ELOVL6: variants seen among roughly 807,000 people sequenced by gnomAD.
The protein encoded by ELOVL6 is very long chain fatty acid elongase 6.
In ELOVL6, 8 loss-of-function variants were observed where a neutral mutation model predicts 31.7. The observed-to-expected ratio is 0.25, with a 90% CI of 0.15 to 0.45. ELOVL6 has a LOEUF of 0.45. Ranked by LOEUF, ELOVL6 falls within the 20% of genes least tolerant of loss-of-function variation. ELOVL6 has a pLI of 1.00. For synonymous variants in ELOVL6, 101 were observed against 117.7 expected, an observed-to-expected ratio of 0.86 and a Z score of 0.92; for missense variants, 126 against 326.4, an observed-to-expected ratio of 0.39 and a Z score of 4.73.
At chr4:110,197,371 G>C (rs1759839183) in intron 1 of ELOVL6, among the ~76,000 whole-genome samples, 1 of 152,204 alleles carries the variant, frequency 6.6e-6, no homozygotes, top group Non-Finnish European at 1.5e-5. Flanking sequence ...GGTCTGGCGG[G>C]GGGACTACAG....
intron 2 of ELOVL6, among the ~76,000 whole-genome samples, chr4:110,071,157 A>G (rs1290219031): frequency 3.3e-5 from 5 of 152,190 alleles, no homozygotes. Flanking sequence ...GAGGTAGCAG[A>G]GTCATAAGCT....
At chr4:110,196,114 A>T (rs920152284) in intron 1 of ELOVL6, among the ~76,000 whole-genome samples, 6 of 152,178 alleles carry the variant, frequency 3.9e-5, no homozygotes, top group Non-Finnish European at 8.8e-5. Flanking sequence ...AAGTGGCCTC[A>T]GAGAAAAAGC....
rs988144240 is a variant in ELOVL6, at chr4:110,069,725, T to C, written c.222-9971A>G. Among the ~76,000 whole-genome samples, 5 of 152,230 alleles carry C rather than the reference T, an allele frequency of 3.3e-5. 1 individual carries two copies. The highest frequency in any genetic ancestry group is 4.1e-4 in the South Asian group (2 of 4,836). ...CTGATAGCTGATCCTGAAAACTCAC[T>C]GGGCTTTCATTTAGGATAGTGTTTC... is the stretch of plus-strand genomic sequence containing the variant. On this transcript the variant is annotated intron_variant, in intron 2 of 3. Coordinates refer to ENST00000302274, the MANE Select transcript of ELOVL6 (RefSeq NM_024090.3).
intron 1 of ELOVL6, among the ~76,000 whole-genome samples, chr4:110,138,060 A>G (rs1278450562): frequency 2.6e-5 from 4 of 152,246 alleles, no homozygotes; most frequent in African/African-American, 9.6e-5. Context: ...CATTACAGAA[A>G]TGCATAGAGC....
intron 2 of ELOVL6, among the ~76,000 whole-genome samples, chr4:110,084,553 C>CATATAT (rs1560815725): frequency 6.9e-5 from 4 of 57,936 alleles, no homozygotes; most frequent in African/African-American, 4.2e-4. Context: ...CACACACACA[C>CATATAT]ACACACACAG....
intron 1 of ELOVL6, among the ~76,000 whole-genome samples, chr4:110,111,830 T>C (rs1289466375): frequency 1.3e-5 from 2 of 152,096 alleles, no homozygotes; most frequent in Admixed American, 6.6e-5. Context: ...AGAAAGCCTG[T>C]TTGGAGATGC....
At chr4:110,108,477 G>A (rs999154076) in intron 1 of ELOVL6, among the ~76,000 whole-genome samples, 3 of 152,120 alleles carry the variant, frequency 2.0e-5, no homozygotes, top group Non-Finnish European at 4.4e-5. Flanking sequence ...TCCCAGCAAG[G>A]GCCATTCACT....
At chr4:110,094,466 TAC>T (rs1756522842) in intron 2 of ELOVL6, among the ~76,000 whole-genome samples, 1 of 127,018 alleles carries the variant, frequency 7.9e-6, no homozygotes, top group African/African-American at 2.8e-5. Context: ...TAATATATAT[TAC>T]ATATAAAATA....
intron 2 of ELOVL6, among the ~76,000 whole-genome samples, chr4:110,081,327 A>G (rs1238227475): frequency 6.6e-6 from 1 of 152,168 alleles, no homozygotes; most frequent in African/African-American, 2.4e-5. Context: ...GCATCACACT[A>G]CCTAACTTCA....
At chr4:110,160,345 A>G (rs1267573939) in intron 1 of ELOVL6, among the ~76,000 whole-genome samples, 1 of 152,112 alleles carries the variant, frequency 6.6e-6, no homozygotes, top group Non-Finnish European at 1.5e-5. Context: ...ATCCCTGCAA[A>G]ATTATATCTT....
At chr4:110,087,881 T>C (rs1469005008) in intron 2 of ELOVL6, among the ~76,000 whole-genome samples, 5 of 152,188 alleles carry the variant, frequency 3.3e-5, no homozygotes, top group African/African-American at 4.8e-5. Flanking sequence ...TTCTGGTAGC[T>C]TTGTCTAGTC....
intron 1 of ELOVL6, among the ~76,000 whole-genome samples, chr4:110,125,773 G>C (rs936217071): frequency 1.3e-5 from 2 of 151,416 alleles, no homozygotes; most frequent in African/African-American, 2.4e-5. Context: ...GTTGAAGTGA[G>C]CCAAGATGGC....
chr4:110,094,319 T>G (rs1756503243), intron 2 of ELOVL6, among the ~76,000 whole-genome samples: 1 of 145,870 alleles, frequency 6.9e-6, no homozygotes, highest in Non-Finnish European at 1.5e-5. Context: ...TTTGGGAGAC[T>G]GAGGCAGGAG....
rs1754698858 is a variant in ELOVL6, at chr4:110,046,404, A to T, written c.*4934T>A. On this transcript the variant is annotated 3_prime_UTR_variant, in exon 4 of 4. Transcript: ENST00000302274. ...TGAGACTTCTGCCTGCCCAGCCTAAAATCAAAGTGCCACTTTTGAGCTCTC... is the reference window on the plus strand; with the variant it reads ...TGAGACTTCTGCCTGCCCAGCCTAATATCAAAGTGCCACTTTTGAGCTCTC... The T allele has an allele frequency of 6.6e-6, 1 of 152,180 alleles. No homozygotes were observed. The highest frequency in any genetic ancestry group is 2.1e-4 in the South Asian group (1 of 4,818). The allele number at this position is 152,180 out of a possible 1,614,324, so 9.4% of individuals were successfully genotyped here.
At chr4:110,178,904 G>C (rs1759194562) in intron 1 of ELOVL6, among the ~76,000 whole-genome samples, 1 of 151,650 alleles carries the variant, frequency 6.6e-6, no homozygotes, top group Admixed American at 6.6e-5. Flanking sequence ...TATATCTCAG[G>C]GTGACATTTG....
intron 1 of ELOVL6, among the ~76,000 whole-genome samples, chr4:110,114,068 T>C (rs1409062914): frequency 6.6e-6 from 1 of 152,088 alleles, no homozygotes; most frequent in Non-Finnish European, 1.5e-5. Context: ...CTGAGCAACA[T>C]AACAAGACTC....
chr4:110,084,186 C>CATATATGTGATATACGATAT (rs201356784), intron 2 of ELOVL6, among the ~76,000 whole-genome samples: 1 of 45,214 alleles, frequency 2.2e-5, no homozygotes. Context: ...ATATATATAA[C>CATATATGTGATATACGATAT]ATATAACTTA....
At chr4:110,162,051 T>C (rs1758646355) in intron 1 of ELOVL6, among the ~76,000 whole-genome samples, 1 of 152,230 alleles carries the variant, frequency 6.6e-6, no homozygotes, top group East Asian at 1.9e-4. Context: ...GAAAGGGATG[T>C]AGTCCTTTAT....
intron 2 of ELOVL6, among the ~76,000 whole-genome samples, chr4:110,066,352 T>G (rs987409581): frequency 6.6e-6 from 1 of 152,014 alleles, no homozygotes; most frequent in African/African-American, 2.4e-5. Context: ...TTATGGCATC[T>G]CAGGCCAGGC....
Sources: gnomAD v4.1 joint callset for allele counts (sites outside exome capture counted in the v4.1 genomes callset) on GRCh38, gnomAD v4.1.1 for gene constraint, MANE v1.5 for transcripts, NCBI Gene and HGNC (gene_info 2026-07-23, HGNC 2026-07-21) for gene names.